Variants in SPAG16 observed in about 807,000 individuals in gnomAD.
SPAG16 encodes the protein sperm-associated antigen 16 protein.
Under a neutral mutation model 80.4 loss-of-function variants are expected in SPAG16, and 86 were observed. The observed-to-expected ratio is 1.07, with a 90% CI of 0.90 to 1.28. SPAG16 has a LOEUF of 1.28. Ranked by LOEUF, SPAG16 falls within the 50% of genes most tolerant of loss-of-function variation. The pLI is 0.00. For missense variants in SPAG16, 870 were observed against 765.3 expected (o/e 1.14, Z -1.61); for synonymous variants, 294 against 265.9 (o/e 1.11, Z -1.03).
intron 13 of SPAG16, among the ~76,000 whole-genome samples, chr2:214,071,113 G>C (rs1159040875): frequency 6.6e-6 from 1 of 152,158 alleles, no homozygotes; most frequent in Non-Finnish European, 1.5e-5. Flanking sequence ...AGTTTCTGCT[G>C]TATGTGGTGC....
chr2:213,842,670 G>T (rs2074420438), intron 10 of SPAG16, among the ~76,000 whole-genome samples: 1 of 152,168 alleles, frequency 6.6e-6, no homozygotes, highest in East Asian at 1.9e-4. Flanking sequence ...ATCTCCTTCT[G>T]CATATGAATT....
intron 10 of SPAG16, among the ~76,000 whole-genome samples, chr2:213,696,044 G>T (rs774331281): frequency 1.3e-5 from 2 of 152,142 alleles, no homozygotes; most frequent in Non-Finnish European, 2.9e-5. Flanking sequence ...GGTGATACTA[G>T]GGAAAGAGAA....
In SPAG16 at chr2:213,442,217, A is replaced by G. The variant is rs537084629; in HGVS notation, c.943-47746A>G. On this transcript the variant is annotated intron_variant, in intron 9 of 15. Coordinates refer to ENST00000331683, the MANE Select transcript of SPAG16 (RefSeq NM_024532.5). ...CCCCAAACATGAAATACTTAGGTCT[A>G]AATCTAATAAAATATGCACCAGATC... Among the ~76,000 whole-genome samples the G allele has an allele frequency of 8.5e-4, 130 of 152,346 alleles. 1 individual carries two copies. Among genetic ancestry groups the G allele is most frequent in the Admixed American group, 1.4e-3 (22 of 15,308 alleles).
At chr2:213,680,799 T>G (rs1041719714) in intron 10 of SPAG16, among the ~76,000 whole-genome samples, 4 of 152,142 alleles carry the variant, frequency 2.6e-5, no homozygotes, top group Non-Finnish European at 4.4e-5. Flanking sequence ...TTATATATTT[T>G]TAGGGAGGCA....
intron 5 of SPAG16, among the ~76,000 whole-genome samples, chr2:213,319,796 G>A (rs768359881): frequency 6.6e-6 from 1 of 151,908 alleles, no homozygotes; most frequent in African/African-American, 2.4e-5. Flanking sequence ...ATGTTTAATA[G>A]CAATAATACG....
Position 214,268,010 on chromosome 2 carries a change from A to C in SPAG16, c.1720+118744A>C, listed in dbSNP as rs1576635545. 2.0e-5 allele frequency among the ~76,000 whole-genome samples: 3 copies of C among 151,954 alleles called. No individual in the cohort carries two copies. The South Asian group carries it at 6.2e-4, about 31-fold the overall frequency. On this transcript the variant is annotated intron_variant, in intron 15 of 15. Transcript: ENST00000331683. ...CAAATAACCCCATTAAAAAGTGAGT[A>C]AAGGACTCAAATGGACATTTCTCAA...
rs189435544 is a variant in SPAG16 at position 213,438,180 on chromosome 2, C to T, written c.943-51783C>T. Reference sequence around the variant, plus strand: ...TTAGACAAGTACTAGAAGGAAGACTCCTGGCTATCTTAGCCCTATATTTAT... The same window carrying T: ...TTAGACAAGTACTAGAAGGAAGACTTCTGGCTATCTTAGCCCTATATTTAT... On this transcript the variant is annotated intron_variant, in intron 9 of 15. Transcript: ENST00000331683. 1.7e-4 allele frequency among the ~76,000 whole-genome samples: 26 copies of T among 152,326 alleles called. No individual in the cohort carries two copies. In the East Asian group the frequency reaches 4.8e-3, roughly 28 times the overall value.
At chr2:214,082,743 C>A (rs2051465252) in intron 13 of SPAG16, among the ~76,000 whole-genome samples, 1 of 152,138 alleles carries the variant, frequency 6.6e-6, no homozygotes, top group South Asian at 2.1e-4. Flanking sequence ...TCTTAAAAAT[C>A]ATTTATTTGC....
chr2:213,810,228 T>A (rs2072046271), intron 10 of SPAG16, among the ~76,000 whole-genome samples: 1 of 152,168 alleles, frequency 6.6e-6, no homozygotes, highest in South Asian at 2.1e-4. Context: ...CAAAGTAGAC[T>A]GAGAATAGCA....
intron 12 of SPAG16, among the ~76,000 whole-genome samples, chr2:213,943,890 C>A (rs766003810): frequency 6.6e-6 from 1 of 152,142 alleles, no homozygotes; most frequent in Non-Finnish European, 1.5e-5. Context: ...CGGAAATACA[C>A]CACAGAAATA....
At chr2:213,742,557 T>G (rs1051372686) in intron 10 of SPAG16, among the ~76,000 whole-genome samples, 2 of 150,536 alleles carry the variant, frequency 1.3e-5, no homozygotes, top group African/African-American at 4.9e-5. Context: ...CTTTTTTTTT[T>G]TTTTTTTTTT....
chr2:214,330,622 T>A (rs1264527876), intron 15 of SPAG16, among the ~76,000 whole-genome samples: 1 of 151,218 alleles, frequency 6.6e-6, no homozygotes, highest in African/African-American at 2.5e-5. Flanking sequence ...CATATTTGTC[T>A]CAAATCAAAG....
intron 10 of SPAG16, among the ~76,000 whole-genome samples, chr2:213,762,948 A>G (rs1044453157): frequency 2.0e-5 from 3 of 152,194 alleles, no homozygotes; most frequent in Non-Finnish European, 4.4e-5. Context: ...TAAAAAAACC[A>G]AATAACCTTA....
chr2:214,321,098 A>T, intron 15 of SPAG16, among the ~76,000 whole-genome samples: 1 of 152,282 alleles, frequency 6.6e-6, no homozygotes, highest in African/African-American at 2.4e-5. Context: ...GGTCTATTTT[A>T]TGCTCCCTTT....
Position 213,284,536 on chromosome 2 carries a change from C to G in SPAG16, c.53C>G (p.Ala18Gly), listed in dbSNP as rs916261971. The G allele has an allele frequency of 1.2e-6, 2 of 1,600,740 alleles. No individual in the cohort carries two copies. The highest frequency in any genetic ancestry group is 1.1e-5 in the South Asian group (1 of 88,820). The change falls in exon 1 of 16, where the codon GCG becomes GGG. Residue 18 changes from alanine to glycine, a missense_variant. Physicochemically the swap from Ala to Gly is moderately conservative, Grantham distance 60. Transcript: ENST00000331683. Reference sequence around the variant, plus strand: ...TCCGCCGTGAGGGTCCTGGAAGAGGCGTTGGGCATGGGTTTGACGGCAGCC... The same window carrying G: ...TCCGCCGTGAGGGTCCTGGAAGAGGGGTTGGGCATGGGTTTGACGGCAGCC... ...PSSAVRVLEEALGMGLTAAGD... is the reference protein window; with the variant it reads ...PSSAVRVLEEGLGMGLTAAGD...
intron 10 of SPAG16, among the ~76,000 whole-genome samples, chr2:213,734,848 T>A (rs1170203973): frequency 6.6e-6 from 1 of 152,194 alleles, no homozygotes; most frequent in Non-Finnish European, 1.5e-5. Context: ...ATTCTGTAAT[T>A]ATAAAATAAA....
At chr2:213,676,082 T>A (rs2064055999) in intron 10 of SPAG16, among the ~76,000 whole-genome samples, 1 of 152,080 alleles carries the variant, frequency 6.6e-6, no homozygotes, top group Non-Finnish European at 1.5e-5. Context: ...TTTGTAGTTC[T>A]CCTTGAAGAG....
intron 15 of SPAG16, among the ~76,000 whole-genome samples, chr2:214,202,597 T>G (rs190447912): frequency 2.0e-4 from 30 of 152,068 alleles, no homozygotes; most frequent in Admixed American, 5.2e-4. Flanking sequence ...CCAAAATCCA[T>G]AGAGGTAGGG....
chr2:213,831,869 A>T (rs1218005944), intron 10 of SPAG16, among the ~76,000 whole-genome samples: 1 of 152,188 alleles, frequency 6.6e-6, no homozygotes, highest in Non-Finnish European at 1.5e-5. Context: ...AGACATAACC[A>T]GGTTTTATAA....
Sources: allele counts gnomAD v4.1 joint callset (sites outside exome capture counted in the v4.1 genomes callset), GRCh38; gene constraint gnomAD v4.1.1; transcripts MANE v1.5; gene names NCBI Gene and HGNC (gene_info 2026-07-23, HGNC 2026-07-21).